CDKAL1: variants seen among roughly 807,000 people sequenced by gnomAD.
CDKAL1 encodes the protein CDKAL1 threonylcarbamoyladenosine tRNA methylthiotransferase, also known as threonylcarbamoyladenosine tRNA methylthiotransferase.
In CDKAL1, 32 loss-of-function variants were observed where a neutral mutation model predicts 68.2. The ratio of observed to expected loss-of-function variants is 0.47; its 90% CI spans 0.35 to 0.63. The LOEUF is 0.63. Among genes scored for constraint, CDKAL1 ranks in the 30% least tolerant of loss-of-function variants. The probability of loss-of-function intolerance (pLI) is 0.00; values close to 1 mark genes in which losing one functional copy is unlikely to be tolerated. For missense variants in CDKAL1, 606 were observed against 696.7 expected (o/e 0.87, Z 1.47); for synonymous variants, 234 against 244.3 (o/e 0.96, Z 0.39).
At chr6:20,697,751 T>A (rs1771166738) in intron 5 of CDKAL1, among the ~76,000 whole-genome samples, 1 of 152,224 alleles carries the variant, frequency 6.6e-6, no homozygotes, top group South Asian at 2.1e-4. Context: ...TTCATAATGG[T>A]TAGTTTCTGC....
At chr6:21,014,370 A>G (rs1768188184) in intron 11 of CDKAL1, among the ~76,000 whole-genome samples, 1 of 152,114 alleles carries the variant, frequency 6.6e-6, no homozygotes, top group Non-Finnish European at 1.5e-5. Flanking sequence ...TTGGGAGGCC[A>G]AGGCAGGTGG....
At chr6:21,040,968 G>C (rs2150894593) in intron 11 of CDKAL1, among the ~76,000 whole-genome samples, 1 of 152,262 alleles carries the variant, frequency 6.6e-6, no homozygotes, top group African/African-American at 2.4e-5. Context: ...ACCAGTAATT[G>C]TTGCAGGGTT....
Position 21,039,777 on chromosome 6 carries a change from A to G in CDKAL1, c.1056-25271A>G, listed in dbSNP as rs117415885. ...GAGAAATGCAAAGTATGATTGAAAC[A>G]TGGGGGACTGAGCCATATGAACTAA... On this transcript the variant is annotated intron_variant, in intron 11 of 15. Transcript: ENST00000274695. Among the ~76,000 whole-genome samples the G allele has an allele frequency of 7.9e-5, 12 of 152,334 alleles. No homozygotes were observed. In the East Asian group the frequency reaches 2.1e-3, roughly 27 times the overall value.
chr6:21,052,034 A>G (rs1770568070), intron 11 of CDKAL1, among the ~76,000 whole-genome samples: 1 of 152,196 alleles, frequency 6.6e-6, no homozygotes, highest in Non-Finnish European at 1.5e-5. Context: ...TTAGTCACTC[A>G]TTATGGCTTT....
intron 9 of CDKAL1, among the ~76,000 whole-genome samples, chr6:20,876,851 C>A (rs1760544460): frequency 6.6e-6 from 1 of 152,038 alleles, no homozygotes; most frequent in Admixed American, 6.5e-5. Flanking sequence ...GATATACACA[C>A]ACACACGTAC....
chr6:20,927,011 T>C (rs574289359), intron 9 of CDKAL1, among the ~76,000 whole-genome samples: 42 of 151,626 alleles, frequency 2.8e-4, no homozygotes, highest in African/African-American at 9.7e-4. Flanking sequence ...GCTGCCCATA[T>C]CTAAATGTCT....
At chr6:20,983,486 C>T (rs566884447) in intron 10 of CDKAL1, among the ~76,000 whole-genome samples, 7 of 152,218 alleles carry the variant, frequency 4.6e-5, no homozygotes, top group South Asian at 2.1e-4. Flanking sequence ...TTTGGGAGGC[C>T]GAGGTGGGCA....
rs56087852 is a variant in CDKAL1, at chr6:21,065,219, A to G, written c.1227A>G (p.Pro409=). The G allele has an allele frequency of 0.19, 304,568 of 1,602,916 alleles. 29,865 individuals are homozygous for G. The highest frequency in any genetic ancestry group is 0.24 in the Middle Eastern group (1,473 of 6,044). Residue 409 remains proline (P), a synonymous_variant, in exon 12 of 16, where the codon CCA becomes CCG. Transcript: ENST00000274695. ...GTPAAKMEQV[P]AQVKKQRTKD... The stretch of plus-strand genomic sequence containing the variant: ...CTGCTGCAAAAATGGAACAAGTTCC[A>G]GCACAAGTGGTAAGATCTTTTTCTT...
At chr6:20,835,864 A>C (rs1170598509) in intron 8 of CDKAL1, among the ~76,000 whole-genome samples, 1 of 151,982 alleles carries the variant, frequency 6.6e-6, no homozygotes, top group African/African-American at 2.4e-5. Flanking sequence ...ACCCCTTTTC[A>C]ACTTCAGTTT....
chr6:20,628,116 A>G (rs1301175886), intron 4 of CDKAL1, among the ~76,000 whole-genome samples: 2 of 151,960 alleles, frequency 1.3e-5, no homozygotes, highest in African/African-American at 4.8e-5. Context: ...CCTGGCTATA[A>G]TTTCTTGTAC....
intron 13 of CDKAL1, among the ~76,000 whole-genome samples, chr6:21,197,514 T>C (rs1778521451): frequency 6.6e-6 from 1 of 152,214 alleles, no homozygotes; most frequent in Admixed American, 6.5e-5. Context: ...AGATATGAAA[T>C]GTGGAGGTGC....
At chr6:21,043,615 G>T (rs1441406497) in intron 11 of CDKAL1, among the ~76,000 whole-genome samples, 1 of 152,176 alleles carries the variant, frequency 6.6e-6, no homozygotes, top group Non-Finnish European at 1.5e-5. Flanking sequence ...GGCTCTGAAA[G>T]TTATTCATCA....
intron 13 of CDKAL1, among the ~76,000 whole-genome samples, chr6:21,189,009 A>G (rs1477695082): frequency 6.6e-6 from 1 of 152,150 alleles, no homozygotes; most frequent in African/African-American, 2.4e-5. Context: ...TGCTCTTACT[A>G]TTGGCTCTCG....
chr6:20,562,760 A>G (rs987267819), intron 4 of CDKAL1, among the ~76,000 whole-genome samples: 1 of 151,878 alleles, frequency 6.6e-6, no homozygotes, highest in Non-Finnish European at 1.5e-5. Context: ...AAAAAAATTC[A>G]TTGTTAGCAT....
intron 10 of CDKAL1, among the ~76,000 whole-genome samples, chr6:20,989,646 G>A (rs1447737653): frequency 6.6e-6 from 1 of 152,126 alleles, no homozygotes; most frequent in Admixed American, 6.5e-5. Flanking sequence ...CGTTCTGTTG[G>A]TGTGTAGCAG....
chr6:20,947,410 G>C (rs944966039), intron 9 of CDKAL1, among the ~76,000 whole-genome samples: 3 of 152,072 alleles, frequency 2.0e-5, no homozygotes, highest in African/African-American at 7.2e-5. Context: ...GGGCAACATG[G>C]TGAAACCCTG....
chr6:20,826,188 G>C (rs1414689753), intron 8 of CDKAL1, among the ~76,000 whole-genome samples: 1 of 152,038 alleles, frequency 6.6e-6, no homozygotes, highest in Non-Finnish European at 1.5e-5. Context: ...GCTCAACCTA[G>C]GTGTCTTCAC....
intron 4 of CDKAL1, among the ~76,000 whole-genome samples, chr6:20,598,660 A>G (rs1296495958): frequency 2.0e-5 from 3 of 152,228 alleles, no homozygotes; most frequent in African/African-American, 7.2e-5. Context: ...TCAAGTAGCT[A>G]ATTTTATCAG....
chr6:21,164,280 A>C (rs1777048281), intron 13 of CDKAL1, among the ~76,000 whole-genome samples: 1 of 152,076 alleles, frequency 6.6e-6, no homozygotes, highest in Admixed American at 6.5e-5. Flanking sequence ...ACACAACCTT[A>C]TAAACAAGCT....
Sources: allele counts gnomAD v4.1 joint callset (sites outside exome capture counted in the v4.1 genomes callset), GRCh38; gene constraint gnomAD v4.1.1; transcripts MANE v1.5; gene names NCBI Gene and HGNC (gene_info 2026-07-23, HGNC 2026-07-21).